The following ABLIM1 variants were observed in gnomAD, a reference collection of about 807,000 sequenced individuals.
ABLIM1 encodes the protein actin binding LIM protein 1, also known as actin-binding LIM protein 1.
In ABLIM1, 40 loss-of-function variants were observed where a neutral mutation model predicts 107.0. The ratio of observed to expected loss-of-function variants is 0.37; its 90% CI spans 0.29 to 0.49. ABLIM1 has a LOEUF of 0.49. Ranked by LOEUF, ABLIM1 falls within the 20% of genes least tolerant of loss-of-function variation. ABLIM1 has a pLI of 0.97. For missense variants in ABLIM1, 857 were observed against 1,008.5 expected (o/e 0.85, Z 2.04); for synonymous variants, 357 against 357.3 (o/e 1.00, Z 0.01).
At chr10:114,446,288 T>A (rs1215354729) in intron 15 of ABLIM1, among the ~76,000 whole-genome samples, 1 of 152,242 alleles carries the variant, frequency 6.6e-6, no homozygotes, top group Non-Finnish European at 1.5e-5. Context: ...TAAGGTTTTC[T>A]TTTTCTCATC....
chr10:114,798,529 C>G, the ABLIM1 span, among the ~76,000 whole-genome samples: 1 of 148,048 alleles, frequency 6.8e-6, no homozygotes, highest in Non-Finnish European at 1.5e-5. Context: ...CCCAGGAGTT[C>G]AAGACCAGCC....
intron 1 of ABLIM1, among the ~76,000 whole-genome samples, chr10:114,623,071 C>T (rs775478747): frequency 1.3e-5 from 2 of 152,290 alleles, no homozygotes; most frequent in African/African-American, 2.4e-5. Context: ...GCCATCCTCC[C>T]ACCTCAGCTT....
rs373508923 is a variant in ABLIM1, at chr10:114,436,384, GA to G, written c.2224-12del. 97,709 of 1,012,628 alleles carry G rather than the reference GA, an allele frequency of 0.096. 2 individuals are homozygous for G. Among genetic ancestry groups the G allele is most frequent in the South Asian group, 0.15 (7,613 of 50,346 alleles). The allele number at this position is 1,012,628 out of a possible 1,614,324, so 62.7% of individuals were successfully genotyped here. A position where few individuals can be genotyped will look rare whatever the true frequency, so the allele number is the denominator to read the frequency against. The stretch of plus-strand genomic sequence containing the variant: ...AGGGGCTAAGTGGCGCTGGGAAGAA[GA>G]AAAAAAAAAAAGAGCTGCTGTCAGT... On this transcript the variant is annotated splice_polypyrimidine_tract_variant and intron_variant, in intron 22 of 22. Coordinates refer to ENST00000533213, the MANE Select transcript of ABLIM1 (RefSeq NM_002313.7).
intron 1 of ABLIM1, among the ~76,000 whole-genome samples, chr10:114,624,034 A>C (rs1006922417): frequency 1.3e-5 from 2 of 152,174 alleles, no homozygotes; most frequent in African/African-American, 4.8e-5. Flanking sequence ...TTGCCCTTGA[A>C]TACACAGCTC....
intron 1 of ABLIM1, among the ~76,000 whole-genome samples, chr10:114,644,393 A>T (rs9421198): frequency 0.018 from 2,558 of 146,096 alleles, 82 homozygotes; most frequent in African/African-American, 0.062. Context: ...GGATAATCAC[A>T]TGGGGTTTTA....
intron 1 of ABLIM1, among the ~76,000 whole-genome samples, chr10:114,710,011 C>T (rs1412222158): frequency 6.6e-6 from 1 of 152,140 alleles, no homozygotes; most frequent in Non-Finnish European, 1.5e-5. Flanking sequence ...ACCATGTGCA[C>T]ACATGTGTAC....
intron 8 of ABLIM1, among the ~76,000 whole-genome samples, chr10:114,474,791 C>T (rs1462939068): frequency 6.6e-6 from 1 of 152,072 alleles, no homozygotes; most frequent in Non-Finnish European, 1.5e-5. Context: ...TGTAATAATC[C>T]CCACGTGTCA....
intron 6 of ABLIM1, among the ~76,000 whole-genome samples, chr10:114,534,684 G>T (rs1306644074): frequency 6.6e-6 from 1 of 152,042 alleles, no homozygotes; most frequent in Admixed American, 6.5e-5. Context: ...AATAATCCTG[G>T]TTGACTTCCT....
chr10:114,445,529 A>G, intron 15 of ABLIM1, 126 bp from the exon 16 acceptor site: 1 of 786,328 alleles, frequency 1.3e-6, no homozygotes, highest in Non-Finnish European at 2.2e-6. Flanking sequence ...ACTTTTAAGT[A>G]AACAATACAA....
upstream of ABLIM1, among the ~76,000 whole-genome samples, chr10:114,689,906 C>G (rs2081037437): frequency 6.6e-6 from 1 of 152,132 alleles, no homozygotes. Flanking sequence ...GCATCTGCCA[C>G]CACCACCCCA....
the ABLIM1 span, among the ~76,000 whole-genome samples, chr10:114,783,235 T>G: frequency 6.6e-6 from 1 of 151,206 alleles, no homozygotes; most frequent in Non-Finnish European, 1.5e-5. Context: ...TGAGCCAAGA[T>G]TGCACCCCAG....
chr10:114,498,752 C>T (rs1037219550), intron 6 of ABLIM1, among the ~76,000 whole-genome samples: 3 of 152,184 alleles, frequency 2.0e-5, no homozygotes, highest in Admixed American at 2.0e-4. Flanking sequence ...GACCCAAGCT[C>T]AGGCAAACAT....
chr10:114,482,942 GA>G (rs1161824867), intron 8 of ABLIM1, among the ~76,000 whole-genome samples: 2 of 152,024 alleles, frequency 1.3e-5, no homozygotes, highest in East Asian at 1.9e-4. Flanking sequence ...TATACTACTG[GA>G]AAAAATAAGA....
At chr10:114,716,115 G>A (rs1292963853) in intron 1 of ABLIM1, among the ~76,000 whole-genome samples, 1 of 152,092 alleles carries the variant, frequency 6.6e-6, no homozygotes, top group African/African-American at 2.4e-5. Flanking sequence ...AATCTCTCTG[G>A]CACTCTGAGA....
intron 6 of ABLIM1, among the ~76,000 whole-genome samples, chr10:114,510,192 C>T (rs1459753667): frequency 6.6e-6 from 1 of 152,176 alleles, no homozygotes; most frequent in Non-Finnish European, 1.5e-5. Context: ...AGAGAAGCTA[C>T]TCTCAAACTT....
intron 1 of ABLIM1, among the ~76,000 whole-genome samples, chr10:114,766,815 C>T (rs185833489): frequency 1.3e-5 from 2 of 152,288 alleles, no homozygotes; most frequent in East Asian, 3.9e-4. Context: ...ATATACACAC[C>T]AAGTCCCTTA....
intron 6 of ABLIM1, among the ~76,000 whole-genome samples, chr10:114,528,407 C>CA (rs1459050564): frequency 3.3e-5 from 5 of 152,166 alleles, no homozygotes; most frequent in Non-Finnish European, 7.3e-5. Flanking sequence ...GAAGAAGTCC[C>CA]AAGCAGTGCT....
At chr10:114,690,150 A>G (rs1174032415) in intron 1 of ABLIM1, 5 of 1,364,222 alleles carry the variant, frequency 3.7e-6, no homozygotes, top group South Asian at 3.5e-5. Flanking sequence ...AACTTATTCA[A>G]GTTGTCCACA....
intron 14 of ABLIM1, 98 bp from the exon 15 acceptor site, chr10:114,448,118 G>C: frequency 6.6e-7 from 1 of 1,505,616 alleles, no homozygotes; most frequent in Non-Finnish European, 9.0e-7. Context: ...TCTGGCAAAA[G>C]TTTCAGTTCC....
Sources: gnomAD v4.1 joint callset for allele counts (sites outside exome capture counted in the v4.1 genomes callset) on GRCh38, gnomAD v4.1.1 for gene constraint, MANE v1.5 for transcripts, NCBI Gene and HGNC (gene_info 2026-07-23, HGNC 2026-07-21) for gene names.